The following MGAT4C variants were observed in gnomAD, a reference collection of about 807,000 sequenced individuals.
The protein encoded by MGAT4C is alpha-1,3-mannosyl-glycoprotein 4-beta-N-acetylglucosaminyltransferase C.
Under a neutral mutation model 40.1 loss-of-function variants are expected in MGAT4C, and 19 were observed. That is an observed-to-expected ratio of 0.47 (90% CI 0.33 to 0.70). The LOEUF is 0.70. Among genes scored for constraint, MGAT4C ranks in the 30% least tolerant of loss-of-function variants. MGAT4C has a pLI of 0.02. For missense variants in MGAT4C, 491 were observed against 563.2 expected (o/e 0.87, Z 1.30); for synonymous variants, 181 against 187.1 (o/e 0.97, Z 0.27).
intron 1 of MGAT4C, among the ~76,000 whole-genome samples, chr12:86,189,063 C>T (rs745733839): frequency 1.4e-4 from 21 of 151,554 alleles, no homozygotes; most frequent in Non-Finnish European, 1.9e-4. Flanking sequence ...TTAAGTCAAG[C>T]GATTATTTTA....
chr12:86,543,579 T>C (rs1959178836), intron 2 of MGAT4C, among the ~76,000 whole-genome samples: 1 of 152,140 alleles, frequency 6.6e-6, no homozygotes, highest in South Asian at 2.1e-4. Context: ...CATTAATTTA[T>C]ATAGAAAAAT....
intron 2 of MGAT4C, among the ~76,000 whole-genome samples, chr12:86,480,718 TA>T (rs968480040): frequency 6.6e-6 from 1 of 151,782 alleles, no homozygotes; most frequent in African/African-American, 2.4e-5. Flanking sequence ...ATAGTTTTTA[TA>T]AAAACACATA....
At chr12:86,202,404 A>T in intron 1 of MGAT4C, among the ~76,000 whole-genome samples, 1 of 152,084 alleles carries the variant, frequency 6.6e-6, no homozygotes, top group Admixed American at 6.6e-5. Context: ...GCTCTTCAAA[A>T]GTTAAACCAA....
chr12:86,729,775 A>T (rs1462190649), intron 1 of MGAT4C, among the ~76,000 whole-genome samples: 1 of 152,070 alleles, frequency 6.6e-6, no homozygotes, highest in Non-Finnish European at 1.5e-5. Context: ...ATATCTAAGA[A>T]ATCATTCCCC....
intron 1 of MGAT4C, among the ~76,000 whole-genome samples, chr12:86,219,691 A>G (rs529450342): frequency 1.3e-5 from 2 of 152,338 alleles, no homozygotes; most frequent in East Asian, 3.9e-4. Flanking sequence ...TACAAACACA[A>G]TGGCATTTGG....
At chr12:86,814,610 C>T (rs1335716041) in intron 1 of MGAT4C, among the ~76,000 whole-genome samples, 4 of 151,758 alleles carry the variant, frequency 2.6e-5, no homozygotes, top group South Asian at 2.1e-4. Flanking sequence ...TTTCTGAAAT[C>T]GTTTCTATGG....
intron 3 of MGAT4C, among the ~76,000 whole-genome samples, chr12:86,349,574 G>A (rs1037174923): frequency 1.3e-5 from 2 of 152,154 alleles, no homozygotes; most frequent in East Asian, 1.9e-4. Context: ...ATCTAGGAAC[G>A]AACTAGTGCT....
chr12:86,739,627 T>C (rs1951036804), intron 1 of MGAT4C, among the ~76,000 whole-genome samples: 2 of 150,958 alleles, frequency 1.3e-5, no homozygotes, highest in African/African-American at 2.4e-5. Context: ...TTACATAGCA[T>C]TTACATTGAA....
rs1454216552 is a variant in MGAT4C, at chr12:85,972,503, A to C, written c.*6786T>G. ...TTGCTTCTTTATTAAAAAAAGATAC[A>C]ATCCTTCAATGTCATTCAACAGTAT... On this transcript the variant is annotated 3_prime_UTR_variant, in exon 5 of 5. Transcript: ENST00000611864. The C allele has an allele frequency of 6.6e-6, 1 of 151,104 alleles. No homozygotes were observed. The highest frequency in any genetic ancestry group is 2.4e-5 in the African/African-American group (1 of 41,350). The allele number at this position is 151,104 out of a possible 1,614,324, so 9.4% of individuals were successfully genotyped here. A position where few individuals can be genotyped will look rare whatever the true frequency, so the allele number is the denominator to read the frequency against.
chr12:86,469,108 T>A (rs982289083), intron 2 of MGAT4C, among the ~76,000 whole-genome samples: 2 of 152,140 alleles, frequency 1.3e-5, no homozygotes, highest in African/African-American at 2.4e-5. Flanking sequence ...AAACACACGA[T>A]ACTTACCAAA....
intron 2 of MGAT4C, among the ~76,000 whole-genome samples, chr12:86,523,036 T>A (rs1427184410): frequency 7.9e-5 from 12 of 151,942 alleles, no homozygotes; most frequent in Admixed American, 7.2e-4. Context: ...TTCATTAATT[T>A]AAAAAAACAA....
At chr12:86,103,956 A>G (rs1381456375) in intron 1 of MGAT4C, among the ~76,000 whole-genome samples, 2 of 152,156 alleles carry the variant, frequency 1.3e-5, no homozygotes, top group Non-Finnish European at 2.9e-5. Flanking sequence ...TTCAGTGTGA[A>G]TTCTGGCTTT....
chr12:86,745,664 T>G (rs981589030), intron 1 of MGAT4C, among the ~76,000 whole-genome samples: 2 of 151,702 alleles, frequency 1.3e-5, no homozygotes, highest in Non-Finnish European at 3.0e-5. Flanking sequence ...ATGCCCATAA[T>G]AATCATGTTT....
At chr12:86,200,127 G>GTTTTTTTTTTTTTTTTTTTTTTATTTTT (rs56844963) in intron 1 of MGAT4C, among the ~76,000 whole-genome samples, 1 of 102,354 alleles carries the variant, frequency 9.8e-6, no homozygotes, top group Non-Finnish European at 1.8e-5. Flanking sequence ...GTATGTATTT[G>GTTTTTTTTTTTTTTTTTTTTTTATTTTT]TTTTTTTTTT....
At chr12:86,635,498 C>T (rs1394199708) in intron 2 of MGAT4C, among the ~76,000 whole-genome samples, 1 of 151,964 alleles carries the variant, frequency 6.6e-6, no homozygotes, top group Non-Finnish European at 1.5e-5. Context: ...GAATGCTTCT[C>T]CTCAGTGTTT....
chr12:86,783,918 T>C (rs1402935505), intron 1 of MGAT4C, among the ~76,000 whole-genome samples: 1 of 152,154 alleles, frequency 6.6e-6, no homozygotes, highest in African/African-American at 2.4e-5. Flanking sequence ...ATCTTCCTTA[T>C]AATACAGAAG....
chr12:86,061,809 A>T (rs1328640224), intron 1 of MGAT4C, among the ~76,000 whole-genome samples: 1 of 152,150 alleles, frequency 6.6e-6, no homozygotes, highest in Non-Finnish European at 1.5e-5. Flanking sequence ...CACTGTGTTC[A>T]GACTGCCTCT....
At chr12:86,773,854 T>C (rs1031387208) in intron 1 of MGAT4C, among the ~76,000 whole-genome samples, 2 of 151,894 alleles carry the variant, frequency 1.3e-5, no homozygotes, top group African/African-American at 2.4e-5. Context: ...TATAAGTTTA[T>C]GTAAAATACT....
At chr12:86,783,600 T>C (rs959118224) in intron 1 of MGAT4C, among the ~76,000 whole-genome samples, 2 of 152,194 alleles carry the variant, frequency 1.3e-5, no homozygotes, top group Non-Finnish European at 2.9e-5. Flanking sequence ...CCTGATGTAG[T>C]TGTTTTGAAC....
Sources: gnomAD v4.1 joint callset for allele counts (sites outside exome capture counted in the v4.1 genomes callset) on GRCh38, gnomAD v4.1.1 for gene constraint, MANE v1.5 for transcripts, NCBI Gene and HGNC (gene_info 2026-07-23, HGNC 2026-07-21) for gene names.